The following TJP1 variants were observed in gnomAD, a reference collection of about 807,000 sequenced individuals.
The protein encoded by TJP1 is tight junction protein 1.
TJP1 carries 43 observed loss-of-function variants against 194.2 expected under a neutral mutation model. That is an observed-to-expected ratio of 0.22 (90% CI 0.17 to 0.29). TJP1 has a LOEUF of 0.29. TJP1 is among the 10% of genes least tolerant of loss of function. The pLI, the probability that TJP1 is intolerant of heterozygous loss-of-function variation, is 1.00. For synonymous variants in TJP1, 801 were observed against 779.0 expected (o/e 1.03, Z -0.47); for missense variants, 1,971 against 2,185.7 (o/e 0.90, Z 1.96).
chr15:29,897,336 A>C (rs538065956), intron 2 of TJP1, among the ~76,000 whole-genome samples: 31 of 152,364 alleles, frequency 2.0e-4, no homozygotes, highest in African/African-American at 7.0e-4. Flanking sequence ...ACAGAAGTCA[A>C]GAACTGAGGT....
chr15:29,929,848 C>A (rs1333501972), intron 2 of TJP1, among the ~76,000 whole-genome samples: 1 of 151,684 alleles, frequency 6.6e-6, no homozygotes, highest in Non-Finnish European at 1.5e-5. Context: ...CTGAAAGCTG[C>A]CTTTTTGAAA....
At position 29,706,544 on chromosome 15, in the gene TJP1, A is replaced by G. The variant is rs537820264; in HGVS notation, c.4851-799T>C. Among the ~76,000 whole-genome samples the G allele has an allele frequency of 1.1e-4, 17 of 152,310 alleles. No homozygotes were observed. In the South Asian group the frequency reaches 3.5e-3, roughly 32 times the overall value. On this transcript the variant is annotated intron_variant, in intron 25 of 27. Coordinates refer to ENST00000614355, the MANE Select transcript of TJP1 (RefSeq NM_001330239.4). ...AAGATATGAGACACTTCAGAACCCA[A>G]GAAGTTTGGACAAGGGATACTAAAC...
At chr15:29,877,992 ACTTT>A (rs1286032101) in intron 2 of TJP1, among the ~76,000 whole-genome samples, 1 of 151,838 alleles carries the variant, frequency 6.6e-6, no homozygotes, top group Non-Finnish European at 1.5e-5. Flanking sequence ...TAAAACAAAT[ACTTT>A]GACTTTTTAA....
At chr15:29,886,660 G>A (rs565795616) in intron 2 of TJP1, among the ~76,000 whole-genome samples, 11 of 149,556 alleles carry the variant, frequency 7.4e-5, no homozygotes, top group African/African-American at 2.5e-4. Flanking sequence ...GATACTACCA[G>A]TTTGAAAGTA....
At chr15:29,790,154 G>A (rs1300388293) in intron 2 of TJP1, among the ~76,000 whole-genome samples, 1 of 152,316 alleles carries the variant, frequency 6.6e-6, no homozygotes, top group East Asian at 1.9e-4. Flanking sequence ...TTTTGACAGA[G>A]ATTTATGGTC....
At chr15:29,712,150 T>C (rs1247847196) in intron 23 of TJP1, among the ~76,000 whole-genome samples, 2 of 152,240 alleles carry the variant, frequency 1.3e-5, no homozygotes, top group Non-Finnish European at 2.9e-5. Flanking sequence ...TAGCTTTATG[T>C]GCACCAACAA....
intron 15 of TJP1, among the ~76,000 whole-genome samples, chr15:29,731,576 C>T (rs2043662774): frequency 6.6e-6 from 1 of 152,194 alleles, no homozygotes; most frequent in African/African-American, 2.4e-5. Flanking sequence ...TGTTAAACAA[C>T]ATGCTAAATG....
chr15:29,724,948 G>A (rs2043153181), intron 18 of TJP1, among the ~76,000 whole-genome samples: 1 of 152,180 alleles, frequency 6.6e-6, no homozygotes, highest in South Asian at 2.1e-4. Flanking sequence ...AAGCCTCTCA[G>A]ATACTACAAA....
chr15:29,731,133 T>C lies in TJP1; in HGVS notation c.2017+1300A>G, dbSNP rs754617350. 153 of 628,164 alleles carry C rather than the reference T, an allele frequency of 2.4e-4. 2 individuals are homozygous for C. The highest frequency in any genetic ancestry group is 1.3e-3 in the Admixed American group (49 of 37,770). 38.9% of individuals were successfully genotyped at this position (628,164 alleles called of 1,614,324 possible). On this transcript the variant is annotated intron_variant, in intron 15 of 27. Coordinates refer to ENST00000614355, the MANE Select transcript of TJP1 (RefSeq NM_001330239.4). The stretch of plus-strand genomic sequence containing the variant: ...GTTCGCACACAGAACACTTCATTGT[T>C]GTTTTTGGGGGAAGGGGCATATGTC...
At chr15:29,707,933 C>T (rs1165017782) in intron 25 of TJP1, among the ~76,000 whole-genome samples, 1 of 152,138 alleles carries the variant, frequency 6.6e-6, no homozygotes, top group East Asian at 1.9e-4. Context: ...TGCAGTGGCT[C>T]ACGCCTGTAA....
At chr15:29,823,171 AGTT>A (rs2050534640), upstream of TJP1, 1 of 152,196 alleles carries the variant, frequency 6.6e-6, no homozygotes, top group Non-Finnish European at 1.5e-5. Flanking sequence ...AATCTTGAAA[AGTT>A]TATTTTTGGC....
At chr15:29,939,636 T>C (rs1039418926) in intron 2 of TJP1, among the ~76,000 whole-genome samples, 1 of 152,236 alleles carries the variant, frequency 6.6e-6, no homozygotes, top group Non-Finnish European at 1.5e-5. Context: ...TCAGAATGTC[T>C]GCATCCTCCA....
upstream of TJP1, chr15:29,823,456 A>G (rs775345738): frequency 6.6e-6 from 1 of 152,240 alleles, no homozygotes; most frequent in Non-Finnish European, 1.5e-5. Flanking sequence ...AACATCAATG[A>G]TAACATCTTT....
At position 29,766,474 on chromosome 15, in the gene TJP1, A is replaced by G; in HGVS notation, c.381T>C (p.Asn127=). 1 of 1,612,740 alleles carries G rather than the reference A, an allele frequency of 6.2e-7. No individual in the cohort carries two copies. Among genetic ancestry groups the G allele is most frequent in the Non-Finnish European group, 8.5e-7 (1 of 1,179,178 alleles). ...TTTCCTCATCATAACTATCTTCTTC[A>G]TTATCAGATACTGGTTCAGGATCAG... ...SRPDPEPVSD[N]EEDSYDEEIH... The change falls in exon 5 of 28, where the codon AAT becomes AAC. Residue 127 remains asparagine, a synonymous_variant. Coordinates refer to ENST00000614355, the MANE Select transcript of TJP1 (RefSeq NM_001330239.4).
chr15:29,708,945 T>C lies in TJP1; in HGVS notation c.4464A>G (p.Pro1488=), dbSNP rs61736880. Residue 1488 remains proline, a synonymous_variant, in exon 25 of 28, where the codon CCA becomes CCG. Transcript: ENST00000614355. ...CTGCCTGAGCAGTATCTTCTCGGTT[T>C]GGTGGTCTGAAAGTTGCTGGCTTAT... ...SQNKPATFRP[P]NREDTAQAAF... 9.8e-5 allele frequency: 158 copies of C among 1,613,866 alleles called. No individual in the cohort carries two copies. In the African/African-American group the frequency reaches 1.6e-3, roughly 16 times the overall value.
At chr15:29,797,740 TCAA>T (rs943608872) in intron 2 of TJP1, among the ~76,000 whole-genome samples, 62 of 152,108 alleles carry the variant, frequency 4.1e-4, no homozygotes, top group African/African-American at 1.4e-3. Context: ...CTACTGCAAC[TCAA>T]CAACTAAAAA....
At chr15:29,925,551 A>G (rs188736575) in intron 2 of TJP1, among the ~76,000 whole-genome samples, 50 of 152,326 alleles carry the variant, frequency 3.3e-4, no homozygotes, top group African/African-American at 1.1e-3. Context: ...ACACCCTCTA[A>G]GCCGTGGCAT....
At chr15:29,730,596 G>GAAA (rs767411082) in intron 15 of TJP1, 19 of 464,350 alleles carry the variant, frequency 4.1e-5, no homozygotes, top group East Asian at 1.1e-4. Context: ...CTCTGTCTCT[G>GAAA]AAAAAAAAAA....
chr15:29,834,510 A>C (rs941414048), intron 2 of TJP1, among the ~76,000 whole-genome samples: 1 of 152,248 alleles, frequency 6.6e-6, no homozygotes, highest in African/African-American at 2.4e-5. Context: ...GAGCCACCGC[A>C]CAGCCGGCCT....
Sources: allele counts gnomAD v4.1 joint callset (sites outside exome capture counted in the v4.1 genomes callset), GRCh38; gene constraint gnomAD v4.1.1; transcripts MANE v1.5; gene names NCBI Gene and HGNC (gene_info 2026-07-23, HGNC 2026-07-21).